Variants in CSTF1 observed in about 807,000 individuals in gnomAD.
CSTF1 encodes CF-1 50 kDa subunit.
CSTF1 carries 2 observed loss-of-function variants against 40.9 expected under a neutral mutation model. The ratio of observed to expected loss-of-function variants is 0.05; its 90% CI spans 0.02 to 0.15. CSTF1 has a LOEUF of 0.15. Among genes scored for constraint, CSTF1 ranks in the 10% least tolerant of loss-of-function variants. The pLI is 1.00. For synonymous variants in CSTF1, 218 were observed against 207.2 expected (o/e 1.05, Z -0.45); for missense variants, 279 against 558.9 (o/e 0.50, Z 5.05).
Position 56,406,324 on chromosome 20 carries a change from A to T in CSTF1, c.*2597A>T, listed in dbSNP as rs1053779134. 6 of 150,776 alleles carry T rather than the reference A, an allele frequency of 4.0e-5. No individual in the cohort carries two copies. The highest frequency in any genetic ancestry group is 1.2e-4 in the African/African-American group (5 of 41,016). 9.3% of individuals were successfully genotyped at this position (150,776 alleles called of 1,614,324 possible). A position where few individuals can be genotyped will look rare whatever the true frequency, so the allele number is the denominator to read the frequency against. ...TACCCTCTGTGTGTTTTTTTTTTTT[A>T]AGATACGTGATTTCTGAAATAAACT... is the stretch of plus-strand genomic sequence containing the variant. On this transcript the variant is annotated 3_prime_UTR_variant, in exon 6 of 6. Transcript: ENST00000217109.
Position 56,404,890 on chromosome 20 carries a change from C to T in CSTF1, c.*1163C>T, listed in dbSNP as rs1338196193. Reference sequence around the variant, plus strand: ...CCATGTTAGCCAGGATGGTCTCTATCTCCTGACCTCGTGATCCGCCTGCCT... The same window carrying T: ...CCATGTTAGCCAGGATGGTCTCTATTTCCTGACCTCGTGATCCGCCTGCCT... On this transcript the variant is annotated 3_prime_UTR_variant, in exon 6 of 6. Transcript: ENST00000217109. 1 of 133,028 alleles carries T rather than the reference C, an allele frequency of 7.5e-6. No homozygotes were observed. The highest frequency in any genetic ancestry group is 2.3e-4 in the East Asian group (1 of 4,384). 8.2% of individuals were successfully genotyped at this position (133,028 alleles called of 1,614,324 possible). A position where few individuals can be genotyped will look rare whatever the true frequency, so the allele number is the denominator to read the frequency against.
In CSTF1 at chr20:56,398,993, T is replaced by C. The variant is rs149481390; in HGVS notation, c.672T>C (p.Ser224=). Residue 224 remains serine (S), a synonymous_variant, in exon 5 of 6, where the codon TCT becomes TCC. Transcript: ENST00000217109. ...AAGCTGAAATGTTACGTTCCATCTC[T>C]TTTCATCCTTCTGGAGACTTTATAC... ...IQEAEMLRSI[S]FHPSGDFILV... is the part of the protein sequence containing the mutation. 77 of 1,612,274 alleles carry C rather than the reference T, an allele frequency of 4.8e-5. No individual in the cohort carries two copies. Among genetic ancestry groups the C allele is most frequent in the Non-Finnish European group, 6.3e-5 (74 of 1,178,970 alleles).
intron 2 of CSTF1, 46 bp downstream of exon 2, chr20:56,395,767 A>G (rs753772019): frequency 6.3e-7 from 1 of 1,584,796 alleles, no homozygotes; most frequent in East Asian, 2.3e-5. Context: ...AAGGTTTTAG[A>G]TATTTTCATA....
intron 5 of CSTF1, among the ~76,000 whole-genome samples, chr20:56,401,789 C>G (rs1406977720): frequency 6.6e-6 from 1 of 152,172 alleles, no homozygotes; most frequent in African/African-American, 2.4e-5. Flanking sequence ...ATTCTTAATC[C>G]TCACAGCCTT....
chr20:56,397,535 G>T lies in CSTF1; in HGVS notation c.447+51G>T. Reference sequence around the variant, plus strand: ...TGATTGCCTTCTGTTTTTCATTTTTGGAAAAATGAGAGTATGGTTGAAACC... The same window carrying T: ...TGATTGCCTTCTGTTTTTCATTTTTTGAAAAATGAGAGTATGGTTGAAACC... On this transcript the variant is annotated intron_variant, in intron 3 of 5. Transcript: ENST00000217109. This position sits in a 1 kb window ranked among gnomAD's most constrained non-coding sequence, Gnocchi z 4.4. 2 of 1,597,752 alleles carry T rather than the reference G, an allele frequency of 1.3e-6. No homozygotes were observed. The highest frequency in any genetic ancestry group is 1.7e-6 in the Non-Finnish European group (2 of 1,170,604).
Position 56,397,928 on chromosome 20 carries a change from G to C in CSTF1, c.645+87G>C. The C allele has an allele frequency of 1.8e-6, 2 of 1,092,786 alleles. No homozygotes were observed. The highest frequency in any genetic ancestry group is 2.7e-6 in the Non-Finnish European group (2 of 749,304). 67.7% of individuals were successfully genotyped at this position (1,092,786 alleles called of 1,614,324 possible). ...TATTCTCTTTTTAAAAGTAGTCTCA[G>C]TGATCATCCTGTAAGATGCGTACAG... On this transcript the variant is annotated intron_variant, in intron 4 of 5. Transcript: ENST00000217109. The surrounding 1 kb of genome is among the most constrained non-coding windows in gnomAD (Gnocchi z 4.4).
At chr20:56,402,657 C>T (rs1489348314) in intron 5 of CSTF1, among the ~76,000 whole-genome samples, 2 of 152,082 alleles carry the variant, frequency 1.3e-5, no homozygotes, top group Non-Finnish European at 2.9e-5. Flanking sequence ...GTTAAACAGG[C>T]CGGGCATGGT....
In CSTF1 at chr20:56,403,631, A is replaced by G. The variant is rs202195746; in HGVS notation, c.1200A>G (p.Val400=). 28 of 1,613,964 alleles carry G rather than the reference A, an allele frequency of 1.7e-5. No individual in the cohort carries two copies. Among genetic ancestry groups the G allele is most frequent in the Middle Eastern group, 1.6e-4 (1 of 6,084 alleles). ...TGTCGTTGGGGCACAACAATATTGT[A>G]CGCTGCATAGTGCACTCCCCCACCA... ...NLLSLGHNNI[V]RCIVHSPTNP... is the part of the protein sequence containing the mutation. The change falls in exon 6 of 6, where the codon GTA becomes GTG. Residue 400 remains valine (V), a synonymous_variant. Coordinates refer to ENST00000217109, the MANE Select transcript of CSTF1 (RefSeq NM_001324.3).
chr20:56,399,394 G>A lies in CSTF1; in HGVS notation c.1036+37G>A. The A allele has an allele frequency of 6.4e-7, 1 of 1,555,032 alleles. No homozygotes were observed. Among genetic ancestry groups the A allele is most frequent in the South Asian group, 1.2e-5 (1 of 85,290 alleles). On this transcript the variant is annotated intron_variant, in intron 5 of 5. Transcript: ENST00000217109. The surrounding 1 kb of genome is among the most constrained non-coding windows in gnomAD (Gnocchi z 4.6). ...GTTGATGTTACTTAACATTTCTGTA[G>A]TGTTTACACTTTCCAGAACTCTCTT... is the stretch of plus-strand genomic sequence containing the variant.
At position 56,398,957 on chromosome 20, in the gene CSTF1, G is replaced by C; in HGVS notation, c.646-10G>C. 2 of 1,590,004 alleles carry C rather than the reference G, an allele frequency of 1.3e-6. No individual in the cohort carries two copies. Among genetic ancestry groups the C allele is most frequent in the Non-Finnish European group, 1.7e-6 (2 of 1,166,516 alleles). On this transcript the variant is annotated splice_polypyrimidine_tract_variant and intron_variant, in intron 4 of 5. Transcript: ENST00000217109. ...GTTGGTCACTTGTATTAATGTCTCT[G>C]TCCCAACAGGAAGCTGAAATGTTAC...
intron 5 of CSTF1, among the ~76,000 whole-genome samples, chr20:56,402,929 G>C (rs1214237515): frequency 7.0e-6 from 1 of 142,544 alleles, no homozygotes; most frequent in East Asian, 2.0e-4. Context: ...GTGAGACTCT[G>C]TCTAAAAAAA....
Position 56,403,557 on chromosome 20 carries a change from A to G in CSTF1, c.1126A>G (p.Ile376Val). 1 of 1,614,088 alleles carries G rather than the reference A, an allele frequency of 6.2e-7. No individual in the cohort carries two copies. Among genetic ancestry groups the G allele is most frequent in the Non-Finnish European group, 8.5e-7 (1 of 1,180,020 alleles). ...TGTGTTGCTGCCCGACGAGAGGACG[A>G]TCAGTCTTTGCTGCTGGGACTCGAG... ...DYVLLPDERTISLCCWDSRTA... is the reference protein window; with the variant it reads ...DYVLLPDERTVSLCCWDSRTA... Residue 376 changes from isoleucine to valine, a missense_variant, in exon 6 of 6, where the codon ATC becomes GTC. Physicochemically the swap from Ile to Val is conservative, Grantham distance 29 (BLOSUM62 3). Around this residue, in one of 4 missense-constraint regions of CSTF1, gnomAD observed 162 missense variants for 337.1 expected, o/e 0.48. Transcript: ENST00000217109.
chr20:56,396,430 A>G (rs1014091263), intron 2 of CSTF1, among the ~76,000 whole-genome samples: 2 of 152,242 alleles, frequency 1.3e-5, no homozygotes, highest in South Asian at 4.1e-4. Flanking sequence ...ATAAAAGTGA[A>G]TACTATAACA....
rs1569115958 is a variant in CSTF1 at position 56,397,672 on chromosome 20, A to G, written c.476A>G (p.Asn159Ser). Residue 159 changes from asparagine to serine, a missense_variant, in exon 4 of 6, where the codon AAT (asparagine) becomes AGT (serine). Asn to Ser is a conservative substitution (Grantham distance 46). Transcript: ENST00000217109. The surrounding 1 kb of genome is among the most constrained non-coding windows in gnomAD (Gnocchi z 4.4). ...EVMMNETAQQ[N>S]MENHPVIRTL... ...ATGATGAATGAGACCGCACAACAAA[A>G]TATGGAAAACCACCCAGTGATTCGA... 1 of 1,614,210 alleles carries G rather than the reference A, an allele frequency of 6.2e-7. No individual in the cohort carries two copies.
chr20:56,403,826 T>TA lies in CSTF1; in HGVS notation c.*99_*100insA. The TA allele has an allele frequency of 1.7e-6, 2 of 1,208,154 alleles. No individual in the cohort carries two copies. 74.8% of individuals were successfully genotyped at this position (1,208,154 alleles called of 1,614,324 possible). On this transcript the variant is annotated 3_prime_UTR_variant, in exon 6 of 6. Coordinates refer to ENST00000217109, the MANE Select transcript of CSTF1 (RefSeq NM_001324.3). ...AAGTCCGTGCACCATCCTTGACGTTTTGCTGCCACCTCTGTCCACATTCTT... is the reference window on the plus strand; with the variant it reads ...AAGTCCGTGCACCATCCTTGACGTTTATGCTGCCACCTCTGTCCACATTCTT...
intron 1 of CSTF1, among the ~76,000 whole-genome samples, chr20:56,395,167 G>C (rs564050253): frequency 1.8e-4 from 27 of 152,314 alleles, no homozygotes; most frequent in Non-Finnish European, 3.7e-4. Flanking sequence ...ATTAACAGAA[G>C]TAATGGAAGA....
At position 56,403,896 on chromosome 20, in the gene CSTF1, C is replaced by T; in HGVS notation, c.*169C>T. ...ATCTTTTTTTACCTTGATGTAGAAT[C>T]ATGGTGGAAAAAGTTGGAAACACAG... On this transcript the variant is annotated 3_prime_UTR_variant, in exon 6 of 6. Transcript: ENST00000217109. 3 of 686,926 alleles carry T rather than the reference C, an allele frequency of 4.4e-6. No individual in the cohort carries two copies. The highest frequency in any genetic ancestry group is 7.2e-6 in the Non-Finnish European group (3 of 416,364). The allele number at this position is 686,926 out of a possible 1,614,324, so 42.6% of individuals were successfully genotyped here.
chr20:56,395,750 C>G, intron 2 of CSTF1, 29 bp downstream of exon 2: 1 of 1,603,712 alleles, frequency 6.2e-7, no homozygotes, highest in Non-Finnish European at 8.5e-7. Context: ...TCCATACGTC[C>G]CATGGCAAGG....
rs376318288 is a variant in CSTF1, at chr20:56,398,956, T to C, written c.646-11T>C. The stretch of plus-strand genomic sequence containing the variant: ...AGTTGGTCACTTGTATTAATGTCTC[T>C]GTCCCAACAGGAAGCTGAAATGTTA... On this transcript the variant is annotated splice_polypyrimidine_tract_variant and intron_variant, in intron 4 of 5. Transcript: ENST00000217109. 5.7e-5 allele frequency: 90 copies of C among 1,584,204 alleles called. No individual in the cohort carries two copies. The highest frequency in any genetic ancestry group is 1.7e-4 in the Middle Eastern group (1 of 5,918).
Sources: gnomAD v4.1 joint callset for allele counts (sites outside exome capture counted in the v4.1 genomes callset) on GRCh38, gnomAD v4.1.1 for gene constraint, gnomAD v4.1.1 regional missense constraint, Gnocchi (gnomAD v3.1) non-coding constraint, MANE v1.5 for transcripts, NCBI Gene and HGNC (gene_info 2026-07-23, HGNC 2026-07-21) for gene names.